Variants in EMCN observed in about 807,000 individuals in gnomAD.
EMCN encodes endomucin, also known as MUC-14.
In EMCN, 37 loss-of-function variants were observed where a neutral mutation model predicts 38.4. That is an observed-to-expected ratio of 0.96 (90% CI 0.74 to 1.27). EMCN has a LOEUF of 1.27. EMCN is among the 50% of genes most tolerant of loss of function. EMCN has a pLI of 0.00. For missense variants in EMCN, 318 were observed against 302.8 expected, an observed-to-expected ratio of 1.05 and a Z score of -0.37; for synonymous variants, 95 against 100.8, an observed-to-expected ratio of 0.94 and a Z score of 0.35.
At chr4:100,496,094 G>A (rs919278294) in intron 1 of EMCN, among the ~76,000 whole-genome samples, 3 of 152,052 alleles carry the variant, frequency 2.0e-5, no homozygotes, top group Admixed American at 2.0e-4. Flanking sequence ...GACCTCAGTA[G>A]TGTTCAATGC....
intron 1 of EMCN, among the ~76,000 whole-genome samples, chr4:100,490,115 C>T (rs1481633544): frequency 1.3e-5 from 2 of 149,668 alleles, no homozygotes; most frequent in Non-Finnish European, 3.0e-5. Flanking sequence ...GATCATAGCC[C>T]TGTGTATGGC....
intron 1 of EMCN, among the ~76,000 whole-genome samples, chr4:100,496,651 G>A (rs1197377902): frequency 6.6e-6 from 1 of 152,072 alleles, no homozygotes; most frequent in East Asian, 1.9e-4. Flanking sequence ...TAACTATGAT[G>A]GTTTCATGCT....
chr4:100,471,010 A>G (rs563694783), intron 3 of EMCN, among the ~76,000 whole-genome samples: 86 of 152,124 alleles, frequency 5.7e-4, no homozygotes, highest in African/African-American at 1.6e-3. Context: ...AATAATCTCA[A>G]TCAAAATCCT....
At chr4:100,466,506 G>T (rs1281616931) in intron 3 of EMCN, among the ~76,000 whole-genome samples, 3 of 152,212 alleles carry the variant, frequency 2.0e-5, no homozygotes, top group Non-Finnish European at 4.4e-5. Context: ...ATAGACAGTA[G>T]ATAAATACAT....
chr4:100,440,945 G>A (rs1307902214), intron 5 of EMCN, among the ~76,000 whole-genome samples: 1 of 151,984 alleles, frequency 6.6e-6, no homozygotes, highest in Non-Finnish European at 1.5e-5. Context: ...AAAAGTAGCT[G>A]AGCATGGTGG....
chr4:100,474,619 G>A (rs889119766), intron 3 of EMCN, among the ~76,000 whole-genome samples: 13 of 151,978 alleles, frequency 8.6e-5, no homozygotes, highest in African/African-American at 3.1e-4. Context: ...ATTAATAAAC[G>A]GATAAACAAA....
In EMCN at chr4:100,473,365, G is replaced by GTTTTTTTTTTTTTTTTTTTTTTTTTT; in HGVS notation, c.259+1672_259+1673insAAAAAAAAAAAAAAAAAAAAAAAAAA. Among the ~76,000 whole-genome samples the GTTTTTTTTTTTTTTTTTTTTTTTTTT allele has an allele frequency of 6.4e-4, 19 of 29,836 alleles. 3 individuals carry two copies. Among genetic ancestry groups the GTTTTTTTTTTTTTTTTTTTTTTTTTT allele is most frequent in the Non-Finnish European group, 1.4e-3 (17 of 11,962 alleles). 19.6% of individuals were successfully genotyped at this position (29,836 alleles called of 152,430 possible). A position where few individuals can be genotyped will look rare whatever the true frequency, so the allele number is the denominator to read the frequency against. On this transcript the variant is annotated intron_variant, in intron 3 of 11. Transcript: ENST00000296420. The stretch of plus-strand genomic sequence containing the variant: ...TTCTAATGGGCATTTCCCGTTTCGT[G>GTTTTTTTTTTTTTTTTTTTTTTTTTT]TTTTTTTGTTTTTTTTTTTTGTTTT...
chr4:100,399,247 G>A lies in EMCN; in HGVS notation c.*40-874C>T, dbSNP rs150047415. ...ATGGAGACTTCTATGTCCCAAGTACGAAAAGGGTAGTGGCCCAAACTGGCA... is the reference window on the plus strand; with the variant it reads ...ATGGAGACTTCTATGTCCCAAGTACAAAAAGGGTAGTGGCCCAAACTGGCA... On this transcript the variant is annotated intron_variant, in intron 11 of 11. Coordinates refer to ENST00000296420, the MANE Select transcript of EMCN (RefSeq NM_016242.4). Among the ~76,000 whole-genome samples, 168 of 152,280 alleles carry A rather than the reference G, an allele frequency of 1.1e-3. 1 individual carries two copies. Among genetic ancestry groups the A allele is most frequent in the African/African-American group, 3.6e-3 (149 of 41,574 alleles).
chr4:100,499,113 T>A (rs1460445454), intron 1 of EMCN, among the ~76,000 whole-genome samples: 1 of 152,218 alleles, frequency 6.6e-6, no homozygotes, highest in East Asian at 1.9e-4. Context: ...AGATTTTAAG[T>A]TTAATTTACA....
At chr4:100,449,170 C>T (rs576455403) in intron 4 of EMCN, among the ~76,000 whole-genome samples, 1 of 152,104 alleles carries the variant, frequency 6.6e-6, no homozygotes, top group Non-Finnish European at 1.5e-5. Context: ...ACTAATTCTA[C>T]CTACCTGATT....
chr4:100,420,002 T>G (rs1214345065), intron 8 of EMCN, among the ~76,000 whole-genome samples: 1 of 152,132 alleles, frequency 6.6e-6, no homozygotes, highest in Non-Finnish European at 1.5e-5. Context: ...TTATATACAT[T>G]ATAAAAATAA....
intron 5 of EMCN, among the ~76,000 whole-genome samples, chr4:100,441,770 A>G (rs1727524758): frequency 6.6e-6 from 1 of 152,172 alleles, no homozygotes; most frequent in Non-Finnish European, 1.5e-5. Context: ...CAAAAACTCT[A>G]TACATTTACC....
intron 5 of EMCN, 109 bp from the exon 6 acceptor site, chr4:100,423,513 T>A: frequency 1.4e-6 from 1 of 718,018 alleles, no homozygotes; most frequent in Non-Finnish European, 2.5e-6. Context: ...GAAAACTATT[T>A]ATTGTCAAAT....
At chr4:100,494,628 G>A (rs1463942812) in intron 1 of EMCN, among the ~76,000 whole-genome samples, 3 of 152,068 alleles carry the variant, frequency 2.0e-5, no homozygotes, top group Admixed American at 2.0e-4. Flanking sequence ...AGACACAGAT[G>A]AGGACAGAAA....
intron 5 of EMCN, 104 bp downstream of exon 5, chr4:100,447,429 T>A: frequency 1.3e-6 from 1 of 780,328 alleles, no homozygotes; most frequent in Non-Finnish European, 2.1e-6. Flanking sequence ...TGTTTTCCCT[T>A]GTGCTATTTC....
At chr4:100,455,879 C>T (rs536583086) in intron 4 of EMCN, among the ~76,000 whole-genome samples, 1 of 152,150 alleles carries the variant, frequency 6.6e-6, no homozygotes, top group East Asian at 1.9e-4. Context: ...ACTGAATTCT[C>T]GATCTCCCTG....
rs541165035 is a variant in EMCN at position 100,446,838 on chromosome 4, G to A, written c.415+695C>T. Among the ~76,000 whole-genome samples the A allele has an allele frequency of 4.6e-5, 7 of 152,208 alleles. No homozygotes were observed. In the East Asian group the frequency reaches 7.7e-4, roughly 17 times the overall value. Reference sequence around the variant, plus strand: ...ATCCCACTTGTAAGTGAGAACATGCGGAATTTGGTTTTCTGTTCCTGTTTC... The same window carrying A: ...ATCCCACTTGTAAGTGAGAACATGCAGAATTTGGTTTTCTGTTCCTGTTTC... On this transcript the variant is annotated intron_variant, in intron 5 of 11. Coordinates refer to ENST00000296420, the MANE Select transcript of EMCN (RefSeq NM_016242.4).
chr4:100,518,012 G>A lies in EMCN; in HGVS notation c.-98C>T. On this transcript the variant is annotated 5_prime_UTR_variant, in exon 1 of 12. Transcript: ENST00000296420. ...GGCCTTATTAGCAAATGGAAAAGGT[G>A]TAGTGAATGTGAATAGCCACTGCCC... 1 of 1,194,588 alleles carries A rather than the reference G, an allele frequency of 8.4e-7. No individual in the cohort carries two copies. Among genetic ancestry groups the A allele is most frequent in the Non-Finnish European group, 1.2e-6 (1 of 801,310 alleles). The allele number at this position is 1,194,588 out of a possible 1,614,324, so 74.0% of individuals were successfully genotyped here. A position where few individuals can be genotyped will look rare whatever the true frequency, so the allele number is the denominator to read the frequency against.
At chr4:100,405,630 A>G (rs999493669) in intron 11 of EMCN, among the ~76,000 whole-genome samples, 2 of 152,046 alleles carry the variant, frequency 1.3e-5, no homozygotes, top group Non-Finnish European at 2.9e-5. Context: ...CTTTACTAGT[A>G]TTTTGTTGAG....
Sources: allele counts gnomAD v4.1 joint callset (sites outside exome capture counted in the v4.1 genomes callset), GRCh38; gene constraint gnomAD v4.1.1; transcripts MANE v1.5; gene names NCBI Gene and HGNC (gene_info 2026-07-23, HGNC 2026-07-21).